Variants in WWOX observed in about 807,000 individuals in gnomAD.
WWOX encodes WW domain containing oxidoreductase, also known as WW domain-containing oxidoreductase.
In WWOX, 69 loss-of-function variants were observed where a neutral mutation model predicts 46.2. The ratio of observed to expected loss-of-function variants is 1.49; its 90% CI spans 1.23 to 1.82. WWOX has a LOEUF of 1.82. WWOX is among the 40% of genes most tolerant of loss of function. WWOX has a pLI of 0.00. For missense variants in WWOX, 919 were observed against 542.6 expected, an observed-to-expected ratio of 1.69 and a Z score of -6.89; for synonymous variants, 359 against 202.6, an observed-to-expected ratio of 1.77 and a Z score of -6.56.
intron 8 of WWOX, among the ~76,000 whole-genome samples, chr16:78,640,359 C>G (rs988671332): frequency 2.7e-5 from 4 of 147,816 alleles, no homozygotes; most frequent in South Asian, 2.2e-4. Flanking sequence ...GAGTGCCACT[C>G]AAGTCGGCCG....
chr16:79,092,737 G>GT (rs34571136), intron 8 of WWOX, among the ~76,000 whole-genome samples: 1 of 152,120 alleles, frequency 6.6e-6, no homozygotes, highest in South Asian at 2.1e-4. Flanking sequence ...AAAAATGAGG[G>GT]TTTTTGGAGA....
chr16:79,174,518 G>A (rs145643401), intron 8 of WWOX, among the ~76,000 whole-genome samples: 82 of 152,250 alleles, frequency 5.4e-4, no homozygotes, highest in Non-Finnish European at 4.9e-4. Context: ...GCGTGGTGGC[G>A]CATGCCTATA....
chr16:79,051,786 A>G (rs1034963730), intron 8 of WWOX, among the ~76,000 whole-genome samples: 1 of 152,250 alleles, frequency 6.6e-6, no homozygotes, highest in African/African-American at 2.4e-5. Flanking sequence ...AGTTAATTCA[A>G]AGACCTGTGC....
In WWOX at chr16:78,963,486, A is replaced by G. The variant is rs188474200; in HGVS notation, c.1057-248122A>G. 2.0e-5 allele frequency among the ~76,000 whole-genome samples: 3 copies of G among 152,240 alleles called. 1 individual carries two copies. The highest frequency in any genetic ancestry group is 7.2e-5 in the African/African-American group (3 of 41,530). ...CCGTCTCAGAAACAAAAACAAATAA[A>G]CAAACAAAAAGCTAAATAAGTTGCA... On this transcript the variant is annotated intron_variant, in intron 8 of 8. Transcript: ENST00000566780.
rs1322387149 is a variant in WWOX at position 78,426,778 on chromosome 16, C to G, written c.791+1723C>G. 9.9e-5 allele frequency among the ~76,000 whole-genome samples: 15 copies of G among 152,280 alleles called. No individual in the cohort carries two copies. The South Asian group carries it at 3.1e-3, about 32-fold the overall frequency. The stretch of plus-strand genomic sequence containing the variant: ...TCCCAGGGTTAAGCGATTCTCCTGC[C>G]TCAGCCTTCCAAGTAGCTGGGACCA... On this transcript the variant is annotated intron_variant, in intron 7 of 8. Transcript: ENST00000566780.
chr16:79,041,914 CTT>C (rs2151411709), intron 8 of WWOX, among the ~76,000 whole-genome samples: 2 of 152,168 alleles, frequency 1.3e-5, no homozygotes, highest in African/African-American at 4.8e-5. Flanking sequence ...CCGGGAACTG[CTT>C]TCTCCTCTCT....
At chr16:78,801,894 G>A (rs989819333) in intron 8 of WWOX, among the ~76,000 whole-genome samples, 5 of 152,084 alleles carry the variant, frequency 3.3e-5, no homozygotes, top group Non-Finnish European at 7.3e-5. Flanking sequence ...AAAATTAACT[G>A]GTTTTGTGAT....
rs560803340 is a variant in WWOX at position 78,374,112 on chromosome 16, A to C, written c.517-12748A>C. 1.1e-4 allele frequency among the ~76,000 whole-genome samples: 16 copies of C among 152,142 alleles called. No individual in the cohort carries two copies. The South Asian group carries it at 1.9e-3, about 18-fold the overall frequency. ...ACCAGGCATATTTTGGAATTGATAG[A>C]ATTTCTTTTTATCTGAGTTACTCCA... On this transcript the variant is annotated intron_variant, in intron 5 of 8. Coordinates refer to ENST00000566780, the MANE Select transcript of WWOX (RefSeq NM_016373.4).
In WWOX at chr16:78,333,043, C is replaced by CTTTTT. The variant is rs11289222; in HGVS notation, c.517-53797_517-53793dup. 5.6e-4 allele frequency among the ~76,000 whole-genome samples: 32 copies of CTTTTT among 57,120 alleles called. 5 individuals carry two copies. Among genetic ancestry groups the CTTTTT allele is most frequent in the Non-Finnish European group, 7.6e-4 (20 of 26,260 alleles). 37.5% of individuals were successfully genotyped at this position (57,120 alleles called of 152,430 possible). On this transcript the variant is annotated intron_variant, in intron 5 of 8. Transcript: ENST00000566780. Reference sequence around the variant, plus strand: ...CTGAGTAGCATGGAAGAGCATTATACTTTTTTTTTTTTTTTTTTTTTTTTG... The same window carrying CTTTTT: ...CTGAGTAGCATGGAAGAGCATTATACTTTTTTTTTTTTTTTTTTTTTTTTTTTTTG...
chr16:78,539,927 C>T (rs747099352), intron 8 of WWOX, among the ~76,000 whole-genome samples: 7 of 151,972 alleles, frequency 4.6e-5, no homozygotes, highest in African/African-American at 7.3e-5. Context: ...ACCACACTTA[C>T]ATTTAAATAC....
intron 4 of WWOX, among the ~76,000 whole-genome samples, chr16:78,122,357 T>A (rs961600228): frequency 7.9e-5 from 12 of 152,162 alleles, no homozygotes; most frequent in African/African-American, 2.9e-4. Flanking sequence ...TTTAATTACT[T>A]TTTTATGGTG....
rs553576901 is a variant in WWOX, at chr16:78,734,082, T to A, written c.1056+301330T>A. ...CTGGAAAAAAAAAAACACAAAAAACTAAATAAGTCGTCCATCCGTCCATCT... is the reference window on the plus strand; with the variant it reads ...CTGGAAAAAAAAAAACACAAAAAACAAAATAAGTCGTCCATCCGTCCATCT... On this transcript the variant is annotated intron_variant, in intron 8 of 8. Coordinates refer to ENST00000566780, the MANE Select transcript of WWOX (RefSeq NM_016373.4). 2.0e-5 allele frequency among the ~76,000 whole-genome samples: 3 copies of A among 150,978 alleles called. No individual in the cohort carries two copies. The South Asian group carries it at 6.3e-4, about 32-fold the overall frequency.
At chr16:78,535,826 T>G (rs1165263067) in intron 8 of WWOX, among the ~76,000 whole-genome samples, 2 of 152,106 alleles carry the variant, frequency 1.3e-5, no homozygotes, top group African/African-American at 4.8e-5. Flanking sequence ...GGAATCCATC[T>G]CCAGTGCTGC....
chr16:78,431,345 T>G (rs1034870920), intron 7 of WWOX, among the ~76,000 whole-genome samples: 3 of 152,204 alleles, frequency 2.0e-5, no homozygotes, highest in African/African-American at 7.2e-5. Flanking sequence ...CTCACCAAGG[T>G]TATAACCCCT....
chr16:79,004,580 C>G (rs2047156493), intron 8 of WWOX: 1 of 152,274 alleles, frequency 6.6e-6, no homozygotes, highest in African/African-American at 2.4e-5. Context: ...CTTCAGGCCT[C>G]TGGCTTGCAG....
chr16:78,121,367 T>C (rs2033083952), intron 4 of WWOX, among the ~76,000 whole-genome samples: 3 of 152,224 alleles, frequency 2.0e-5, no homozygotes, highest in Admixed American at 2.0e-4. Context: ...CTTGACAGTG[T>C]TAGACAAAGT....
intron 8 of WWOX, among the ~76,000 whole-genome samples, chr16:78,930,902 A>G (rs902129396): frequency 2.0e-5 from 3 of 152,148 alleles, no homozygotes; most frequent in Non-Finnish European, 4.4e-5. Flanking sequence ...TTTGTGGTCA[A>G]TTAGTTCTGG....
rs1207361569 is a variant in WWOX, at chr16:78,507,993, CGTGCGTGTGTGTGT to C, written c.1056+75245_1056+75258del. The stretch of plus-strand genomic sequence containing the variant: ...TGTGGTGTTTTTTGATTTTTGGTTG[CGTGCGTGTGTGTGT>C]GTGTGTGTGTGTGTGTGTGTGACGG... On this transcript the variant is annotated intron_variant, in intron 8 of 8. Transcript: ENST00000566780. Among the ~76,000 whole-genome samples the C allele has an allele frequency of 6.1e-3, 894 of 145,548 alleles. 5 individuals carry two copies. The highest frequency in any genetic ancestry group is 0.02 in the African/African-American group (792 of 39,012).
At chr16:78,309,831 G>A (rs1232919773) in intron 5 of WWOX, among the ~76,000 whole-genome samples, 1 of 152,152 alleles carries the variant, frequency 6.6e-6, no homozygotes, top group Non-Finnish European at 1.5e-5. Flanking sequence ...CTCTAATCCT[G>A]GCTCCACTAC....
Sources: gnomAD v4.1 joint callset for allele counts (sites outside exome capture counted in the v4.1 genomes callset) on GRCh38, gnomAD v4.1.1 for gene constraint, MANE v1.5 for transcripts, NCBI Gene and HGNC (gene_info 2026-07-23, HGNC 2026-07-21) for gene names.